The following CYRIB variants were observed in gnomAD, a reference collection of about 807,000 sequenced individuals.
CYRIB encodes the protein CYFIP related Rac1 interactor B, also known as CYFIP-related Rac1 interactor B.
Under a neutral mutation model 44.2 loss-of-function variants are expected in CYRIB, and 8 were observed. That is an observed-to-expected ratio of 0.18 (90% CI 0.11 to 0.33). The LOEUF is 0.33. Among genes scored for constraint, CYRIB ranks in the 10% least tolerant of loss-of-function variants. The pLI is 1.00. For synonymous variants in CYRIB, 131 were observed against 127.2 expected, an observed-to-expected ratio of 1.03 and a Z score of -0.20; for missense variants, 185 against 382.8, an observed-to-expected ratio of 0.48 and a Z score of 4.31.
intron 1 of CYRIB, among the ~76,000 whole-genome samples, chr8:129,998,650 T>C (rs2096836775): frequency 4.0e-5 from 6 of 151,782 alleles, no homozygotes; most frequent in Non-Finnish European, 1.5e-5. Context: ...TTTTTTTTTT[T>C]AGATGAATTC....
At chr8:129,919,253 C>G (rs2136961295) in intron 1 of CYRIB, among the ~76,000 whole-genome samples, 2 of 152,246 alleles carry the variant, frequency 1.3e-5, no homozygotes, top group South Asian at 4.1e-4. Context: ...TATTATATAT[C>G]TGATATGTGG....
intron 2 of CYRIB, chr8:129,948,648 G>A (rs1279448534): frequency 6.6e-6 from 1 of 152,232 alleles, no homozygotes. Flanking sequence ...AAAAGGGTGG[G>A]CCGTTCACTT....
intron 1 of CYRIB, among the ~76,000 whole-genome samples, chr8:129,915,665 T>G (rs940593922): frequency 5.9e-5 from 9 of 152,120 alleles, no homozygotes; most frequent in African/African-American, 1.9e-4. Context: ...ATGTTGAAGC[T>G]CCACAAACTG....
intron 2 of CYRIB, among the ~76,000 whole-genome samples, chr8:129,883,910 G>C (rs1193265026): frequency 2.0e-5 from 3 of 152,192 alleles, no homozygotes; most frequent in Non-Finnish European, 2.9e-5. Context: ...TACTATTACT[G>C]TTGCAGCTGT....
chr8:129,947,111 G>T (rs1042629921), intron 2 of CYRIB, among the ~76,000 whole-genome samples: 8 of 151,988 alleles, frequency 5.3e-5, no homozygotes, highest in African/African-American at 1.9e-4. Flanking sequence ...AGGCTAGAGT[G>T]CAGTGGTGCG....
At chr8:129,864,661 T>C (rs2132545747) in intron 4 of CYRIB, 2 of 242,850 alleles carry the variant, frequency 8.2e-6, no homozygotes, top group South Asian at 4.4e-5. Context: ...GTGTGTACTG[T>C]GGCGGCTGAA....
intron 1 of CYRIB, among the ~76,000 whole-genome samples, chr8:129,924,802 C>A (rs710617): frequency 0.35 from 53,400 of 151,634 alleles, 11,642 homozygotes; most frequent in East Asian, 0.55. Flanking sequence ...CCCGTCTCTA[C>A]AAAAAAATTT....
chr8:129,842,522 G>T (rs994670789), intron 11 of CYRIB, among the ~76,000 whole-genome samples: 2 of 152,180 alleles, frequency 1.3e-5, no homozygotes, highest in Non-Finnish European at 1.5e-5. Context: ...CCCAGAGGCT[G>T]GCAAATTATA....
intron 2 of CYRIB, among the ~76,000 whole-genome samples, chr8:129,893,549 C>G (rs2066406629): frequency 6.6e-6 from 1 of 152,132 alleles, no homozygotes; most frequent in Non-Finnish European, 1.5e-5. Flanking sequence ...AAAAAAAATA[C>G]TATTCACAGT....
intron 1 of CYRIB, chr8:129,912,305 T>A (rs1220201506): frequency 6.6e-6 from 1 of 152,188 alleles, no homozygotes; most frequent in African/African-American, 2.4e-5. Flanking sequence ...TCCAAAATTA[T>A]CTGAAGTTGC....
intron 2 of CYRIB, among the ~76,000 whole-genome samples, chr8:129,885,345 T>C (rs1477084663): frequency 6.6e-6 from 1 of 152,206 alleles, no homozygotes; most frequent in Non-Finnish European, 1.5e-5. Context: ...ACTTATTTCT[T>C]AAGCATATTT....
At chr8:129,865,992 T>C (rs933898190) in intron 4 of CYRIB, among the ~76,000 whole-genome samples, 2 of 152,204 alleles carry the variant, frequency 1.3e-5, no homozygotes, top group African/African-American at 4.8e-5. Flanking sequence ...AGCATGTACA[T>C]CATTCTTAGA....
intron 1 of CYRIB, among the ~76,000 whole-genome samples, chr8:129,936,553 C>T (rs1366601046): frequency 1.3e-5 from 2 of 152,266 alleles, no homozygotes; most frequent in East Asian, 3.9e-4. Context: ...TTTGAATTCA[C>T]TGTTGTTCAT....
chr8:129,988,537 C>G (rs2096542778), intron 1 of CYRIB, among the ~76,000 whole-genome samples: 1 of 152,182 alleles, frequency 6.6e-6, no homozygotes, highest in African/African-American at 2.4e-5. Flanking sequence ...CCACCTTATA[C>G]CATAAGCTCT....
intron 1 of CYRIB, among the ~76,000 whole-genome samples, chr8:130,006,602 ATATACATATATATG>A (rs2134158658): frequency 3.7e-5 from 2 of 53,992 alleles, no homozygotes; most frequent in East Asian, 5.0e-4. Context: ...AATTATATAT[ATATACATATATATG>A]TGTATATATA....
At chr8:129,934,373 A>G (rs756603309) in intron 1 of CYRIB, among the ~76,000 whole-genome samples, 1 of 152,172 alleles carries the variant, frequency 6.6e-6, no homozygotes, top group Non-Finnish European at 1.5e-5. Flanking sequence ...CCCAAGAAGG[A>G]TCTCAACTTT....
intron 2 of CYRIB, among the ~76,000 whole-genome samples, chr8:129,951,196 C>T (rs148325950): frequency 1.5e-3 from 225 of 152,044 alleles, no homozygotes; most frequent in African/African-American, 5.0e-3. Context: ...CCCAGTTACT[C>T]GGGAGGCTGG....
chr8:129,872,954 A>G (rs959484544), intron 3 of CYRIB, among the ~76,000 whole-genome samples: 2 of 152,000 alleles, frequency 1.3e-5, no homozygotes, highest in African/African-American at 4.8e-5. Flanking sequence ...ATCCCTAAAA[A>G]CGGTAACGTT....
chr8:130,013,817 G>A (rs1479897318), intron 1 of CYRIB, among the ~76,000 whole-genome samples: 17 of 152,208 alleles, frequency 1.1e-4, no homozygotes, highest in Non-Finnish European at 2.5e-4. Flanking sequence ...GCAGGCCAGT[G>A]CGCTGACCTT....
Sources: allele counts gnomAD v4.1 joint callset (sites outside exome capture counted in the v4.1 genomes callset), GRCh38; gene constraint gnomAD v4.1.1; transcripts MANE v1.5; gene names NCBI Gene and HGNC (gene_info 2026-07-23, HGNC 2026-07-21).